The following NR1I2 variants were observed in gnomAD, a reference collection of about 807,000 sequenced individuals.
NR1I2 encodes nuclear receptor subfamily 1 group I member 2, also known as orphan nuclear receptor PAR1.
In NR1I2, 42 loss-of-function variants were observed where a neutral mutation model predicts 43.3. The ratio of observed to expected loss-of-function variants is 0.97; its 90% CI spans 0.76 to 1.26. NR1I2 has a LOEUF of 1.26. Among genes scored for constraint, NR1I2 ranks in the 50% most tolerant of loss-of-function variants. The probability of loss-of-function intolerance (pLI) is 0.00; values close to 1 mark genes in which losing one functional copy is unlikely to be tolerated. For missense variants in NR1I2, 559 were observed against 566.7 expected (o/e 0.99, Z 0.14); for synonymous variants, 229 against 215.0 (o/e 1.06, Z -0.57).
At position 119,814,313 on chromosome 3, in the gene NR1I2, C is replaced by T. The variant is rs115441350; in HGVS notation, c.795-666C>T. 5.1e-3 allele frequency among the ~76,000 whole-genome samples: 771 copies of T among 152,272 alleles called. 7 individuals are homozygous for T. Among genetic ancestry groups the T allele is most frequent in the African/African-American group, 0.018 (750 of 41,550 alleles). On this transcript the variant is annotated intron_variant, in intron 5 of 8. Transcript: ENST00000393716. ...GATCCCTGCAGGACCGGAAGGGTAT[C>T]CATGTAACCATAATCTCAGAGGCTT...
chr3:119,812,561 C>A, intron 4 of NR1I2, 125 bp from the exon 5 acceptor site: 1 of 1,045,710 alleles, frequency 9.6e-7, no homozygotes, highest in African/African-American at 1.6e-5. Flanking sequence ...GTGTGAATGC[C>A]TGCATTTGTG....
chr3:119,794,593 G>A (rs1290397779), intron 1 of NR1I2, among the ~76,000 whole-genome samples: 1 of 151,124 alleles, frequency 6.6e-6, no homozygotes, highest in Non-Finnish European at 1.5e-5. Context: ...CCAAAGTGCT[G>A]ACATTAGAGG....
chr3:119,818,487 AG>A (rs150072028), downstream of NR1I2: 910 of 984,704 alleles, frequency 9.2e-4, 2 homozygotes, highest in African/African-American at 0.015. Flanking sequence ...TTTTGGCTAG[AG>A]GGGTAAACTT....
At chr3:119,784,118 C>T (rs1172138169) in intron 1 of NR1I2, among the ~76,000 whole-genome samples, 1 of 152,174 alleles carries the variant, frequency 6.6e-6, no homozygotes, top group Non-Finnish European at 1.5e-5. Flanking sequence ...ATATGTGGTT[C>T]AATTTTTGGC....
At chr3:119,782,908 T>TG (rs2107940210) in intron 1 of NR1I2, 1 of 1,396,766 alleles carries the variant, frequency 7.2e-7, no homozygotes. Flanking sequence ...AACCGAGTCT[T>TG]GCCTGCATGT....
chr3:119,786,119 GC>G (rs1374952036), intron 1 of NR1I2, among the ~76,000 whole-genome samples: 1 of 152,130 alleles, frequency 6.6e-6, no homozygotes, highest in Non-Finnish European at 1.5e-5. Context: ...TGATCCAATA[GC>G]CACTAGGACC....
intron 2 of NR1I2, among the ~76,000 whole-genome samples, chr3:119,809,040 C>T (rs2055198095): frequency 6.6e-6 from 1 of 152,204 alleles, no homozygotes; most frequent in Non-Finnish European, 1.5e-5. Flanking sequence ...CTCAAACCTG[C>T]CAGGTCACTG....
At chr3:119,788,856 GC>G (rs1156866947) in intron 1 of NR1I2, among the ~76,000 whole-genome samples, 7 of 152,076 alleles carry the variant, frequency 4.6e-5, no homozygotes, top group Admixed American at 4.6e-4. Flanking sequence ...TCTTCTCCAT[GC>G]CAGTCTGTTT....
At chr3:119,805,705 C>T (rs372459477) in intron 1 of NR1I2, among the ~76,000 whole-genome samples, 1 of 34,862 alleles carries the variant, frequency 2.9e-5, no homozygotes, top group Non-Finnish European at 1.7e-4. Context: ...TTGGTCCCCC[C>T]CTCCCCCCCA....
chr3:119,815,596 G>A, intron 7 of NR1I2, 130 bp from the exon 8 acceptor site: 6 of 1,026,224 alleles, frequency 5.8e-6, no homozygotes, highest in Non-Finnish European at 9.0e-6. Context: ...GCCCAGCCCT[G>A]GTCTTCCTTC....
intron 5 of NR1I2, 35 bp from the exon 6 acceptor site, chr3:119,814,944 G>A (rs745640335): frequency 1.2e-6 from 2 of 1,613,644 alleles, no homozygotes; most frequent in South Asian, 2.2e-5. Context: ...CTGCCTCCCA[G>A]GGAGCTGTCC....
intron 2 of NR1I2, 29 bp from the exon 3 acceptor site, chr3:119,810,031 TC>T: frequency 6.2e-7 from 1 of 1,612,934 alleles, no homozygotes; most frequent in Non-Finnish European, 8.5e-7. Flanking sequence ...CACCCGTGCA[TC>T]CCCCCTTCTG....
chr3:119,805,603 A>T (rs2472679), intron 1 of NR1I2, among the ~76,000 whole-genome samples: 126,422 of 151,490 alleles, frequency 0.83, 54,244 homozygotes, highest in East Asian at 1. Context: ...CTCAAGAGGC[A>T]GAGGCAGGAG....
intron 1 of NR1I2, chr3:119,792,511 T>C: frequency 9.2e-7 from 1 of 1,085,730 alleles, no homozygotes; most frequent in South Asian, 1.3e-5. Flanking sequence ...ACATCACCAA[T>C]CTGCCGGCAG....
chr3:119,809,561 G>C (rs1438880377), intron 2 of NR1I2, among the ~76,000 whole-genome samples: 1 of 137,854 alleles, frequency 7.3e-6, no homozygotes, highest in Non-Finnish European at 1.6e-5. Context: ...GGGAAGGCGG[G>C]GGGGAAGGCG....
chr3:119,817,871 C>T lies in NR1I2; in HGVS notation c.*659C>T, dbSNP rs1054190. 114,869 of 988,214 alleles carry T rather than the reference C, an allele frequency of 0.12. 7,156 individuals carry two copies. The highest frequency in any genetic ancestry group is 0.12 in the Non-Finnish European group (103,861 of 831,274). 61.2% of individuals were successfully genotyped at this position (988,214 alleles called of 1,614,324 possible). On this transcript the variant is annotated 3_prime_UTR_variant, in exon 9 of 9. Transcript: ENST00000393716. Reference sequence around the variant, plus strand: ...TCCATTTGAACACATTATTAAGCACCGATAATAGGTAGCCTGCTGTGGGGT... The same window carrying T: ...TCCATTTGAACACATTATTAAGCACTGATAATAGGTAGCCTGCTGTGGGGT...
intron 1 of NR1I2, among the ~76,000 whole-genome samples, chr3:119,796,345 A>G (rs975230615): frequency 6.6e-6 from 1 of 152,224 alleles, no homozygotes; most frequent in African/African-American, 2.4e-5. Context: ...GCCCCAAGAC[A>G]GGGGACTTGC....
chr3:119,807,412 T>C lies in NR1I2; in HGVS notation c.162T>C (p.Asn54=), dbSNP rs2055177456. 6.2e-7 allele frequency: 1 copy of C among 1,614,140 alleles called. No homozygotes were observed. The highest frequency in any genetic ancestry group is 8.5e-7 in the Non-Finnish European group (1 of 1,180,038). The change falls in exon 2 of 9, where the codon AAT becomes AAC. Residue 54 remains asparagine (N), a synonymous_variant. Transcript: ENST00000393716. ...ACAAGGCCACTGGCTATCACTTCAA[T>C]GTCATGACATGTGAAGGATGCAAGG...
At chr3:119,802,231 C>CT (rs1234859761) in intron 1 of NR1I2, among the ~76,000 whole-genome samples, 5 of 152,188 alleles carry the variant, frequency 3.3e-5, no homozygotes, top group African/African-American at 1.2e-4. Context: ...AGTCGGCTTG[C>CT]TTAACACTTG....
Sources: allele counts gnomAD v4.1 joint callset (sites outside exome capture counted in the v4.1 genomes callset), GRCh38; gene constraint gnomAD v4.1.1; transcripts MANE v1.5; gene names NCBI Gene and HGNC (gene_info 2026-07-23, HGNC 2026-07-21).